Variants in STX2 observed in about 807,000 individuals in gnomAD.
The protein encoded by STX2 is syntaxin 2.
STX2 carries 27 observed loss-of-function variants against 40.6 expected under a neutral mutation model. The observed-to-expected ratio is 0.66, with a 90% confidence interval of 0.49 to 0.92. STX2 has a LOEUF of 0.92. Ranked by LOEUF, STX2 falls within the 40% of genes least tolerant of loss-of-function variation. The pLI, the probability that STX2 is intolerant of heterozygous loss-of-function variation, is 0.00. For missense variants in STX2, 328 were observed against 366.1 expected, an observed-to-expected ratio of 0.90 and a Z score of 0.85; for synonymous variants, 123 against 119.1, an observed-to-expected ratio of 1.03 and a Z score of -0.22.
intron 3 of STX2, among the ~76,000 whole-genome samples, chr12:130,820,432 C>T (rs1952068166): frequency 1.3e-5 from 2 of 151,994 alleles, no homozygotes; most frequent in Admixed American, 6.6e-5. Flanking sequence ...TTTGGGAGGC[C>T]GAGGCAGGTG....
At chr12:130,798,759 T>G (rs1216765554) in intron 8 of STX2, 124 bp from the exon 9 acceptor site, 2 of 575,148 alleles carry the variant, frequency 3.5e-6, no homozygotes, top group Non-Finnish European at 5.6e-6. Context: ...ACTGAGGGTT[T>G]TTTTCACATT....
Position 130,789,803 on chromosome 12 carries a change from G to A in STX2, c.*2220C>T, listed in dbSNP as rs1460132079. On this transcript the variant is annotated 3_prime_UTR_variant, in exon 11 of 11. Coordinates refer to ENST00000392373, the MANE Select transcript of STX2 (RefSeq NM_194356.4). ...TAAGTCTGACTTCAAATCGGTACAT[G>A]AGGCTTAGACATACACATCATTGGA... 1 of 152,622 alleles carries A rather than the reference G, an allele frequency of 6.6e-6. No individual in the cohort carries two copies. Among genetic ancestry groups the A allele is most frequent in the Non-Finnish European group, 1.5e-5 (1 of 68,040 alleles). 9.5% of individuals were successfully genotyped at this position (152,622 alleles called of 1,614,324 possible).
At chr12:130,827,055 AAGAAAGGAAGGGAGGGAGGG>A in intron 2 of STX2, 118 bp downstream of exon 2, 1 of 560,790 alleles carries the variant, frequency 1.8e-6, no homozygotes, top group South Asian at 2.1e-5. Context: ...AGAAGGGAGG[AAGAAAGGAAGGGAGGGAGGG>A]AGGGGTGGGG....
intron 1 of STX2, among the ~76,000 whole-genome samples, chr12:130,835,109 C>T (rs927175577): frequency 3.9e-5 from 6 of 152,164 alleles, no homozygotes; most frequent in African/African-American, 4.8e-5. Flanking sequence ...GGCAACACAG[C>T]GCAACCCCAT....
In STX2 at chr12:130,808,961, G is replaced by A. The variant is rs1480576479; in HGVS notation, c.281-257C>T. Among the ~76,000 whole-genome samples the A allele has an allele frequency of 2.6e-5, 4 of 152,316 alleles. No homozygotes were observed. In the East Asian group the frequency reaches 7.7e-4, roughly 29 times the overall value. On this transcript the variant is annotated intron_variant, in intron 4 of 10. Coordinates refer to ENST00000392373, the MANE Select transcript of STX2 (RefSeq NM_194356.4). ...GTCTCACTGCAACCTCTGCCTCCCA[G>A]GCTCAAGCAGTCCTCCCACCGCAGC...
chr12:130,796,355 G>A (rs1185336445), intron 9 of STX2, among the ~76,000 whole-genome samples: 3 of 152,066 alleles, frequency 2.0e-5, no homozygotes, highest in Non-Finnish European at 4.4e-5. Context: ...CCAGCCGGGC[G>A]TGGGTCTGCA....
At chr12:130,795,901 G>A in intron 10 of STX2, 94 bp downstream of exon 10, 3 of 1,429,552 alleles carry the variant, frequency 2.1e-6, no homozygotes, top group African/African-American at 1.4e-5. Context: ...TGGCTGGCAA[G>A]CTTTTATTAG....
intron 2 of STX2, among the ~76,000 whole-genome samples, chr12:130,824,869 G>A (rs1224994730): frequency 6.6e-6 from 1 of 152,066 alleles, no homozygotes; most frequent in African/African-American, 2.4e-5. Flanking sequence ...ATGAAAGCTT[G>A]AGCTTAAGTT....
intron 5 of STX2, among the ~76,000 whole-genome samples, chr12:130,807,998 C>A (rs1593139849): frequency 6.6e-6 from 1 of 152,208 alleles, no homozygotes; most frequent in Admixed American, 6.5e-5. Flanking sequence ...ATATCCCCCC[C>A]ACCAAAAACT....
rs942830296 is a variant in STX2, at chr12:130,818,660, GAGACGATGGAGACGGTGC to G, written c.205+3011_205+3028del. ...ACGGGAGCAGGCGGCGCTGGAGATG[GAGACGATGGAGACGGTGC>G]AGACGGTGCAGACGCTGCCCCAGCG... On this transcript the variant is annotated intron_variant, in intron 3 of 10. Transcript: ENST00000392373. Among the ~76,000 whole-genome samples, 39 of 35,316 alleles carry G rather than the reference GAGACGATGGAGACGGTGC, an allele frequency of 1.1e-3. No homozygotes were observed. In the East Asian group the frequency reaches 0.075, roughly 68 times the overall value. 23.2% of individuals were successfully genotyped at this position (35,316 alleles called of 152,430 possible).
At chr12:130,823,560 G>C (rs1413342402) in intron 2 of STX2, among the ~76,000 whole-genome samples, 1 of 152,174 alleles carries the variant, frequency 6.6e-6, no homozygotes, top group Admixed American at 6.5e-5. Context: ...TGTGAAAACA[G>C]CAGCTGGAGT....
intron 1 of STX2, among the ~76,000 whole-genome samples, chr12:130,831,652 T>C (rs886517235): frequency 6.6e-6 from 1 of 152,110 alleles, no homozygotes; most frequent in African/African-American, 2.4e-5. Flanking sequence ...TAAATAAATA[T>C]GTAAATGCTG....
chr12:130,827,642 A>C (rs1952374536), intron 1 of STX2, among the ~76,000 whole-genome samples: 1 of 152,242 alleles, frequency 6.6e-6, no homozygotes, highest in South Asian at 2.1e-4. Context: ...GGCCAGCCGC[A>C]GTGGCTCACG....
Position 130,796,075 on chromosome 12 carries a change from T to C in STX2, c.832A>G (p.Ile278Val), listed in dbSNP as rs777521737. 6.2e-6 allele frequency: 10 copies of C among 1,614,202 alleles called. No individual in the cohort carries two copies. Among genetic ancestry groups the C allele is most frequent in the South Asian group, 2.2e-5 (2 of 91,080 alleles). The change falls in exon 10 of 11, where the codon ATC (isoleucine) becomes GTC (valine). Residue 278 changes from isoleucine to valine, a missense_variant. Transcript: ENST00000392373. ...IAVSVVLVAI[I>V]ALIIGLSVGK Reference sequence around the variant, plus strand: ...ACTGACAAGCCAATAATTAGAGCGATTATGGCAACCAGAACCACTGACACA... The same window carrying C: ...ACTGACAAGCCAATAATTAGAGCGACTATGGCAACCAGAACCACTGACACA...
At chr12:130,832,022 AT>A (rs541706214) in intron 1 of STX2, among the ~76,000 whole-genome samples, 1 of 151,696 alleles carries the variant, frequency 6.6e-6, no homozygotes, top group Non-Finnish European at 1.5e-5. Flanking sequence ...AGGCACACAT[AT>A]TTTTTTAGAG....
At chr12:130,811,306 C>T (rs1429776563) in intron 4 of STX2, among the ~76,000 whole-genome samples, 4 of 139,824 alleles carry the variant, frequency 2.9e-5, no homozygotes, top group Admixed American at 7.9e-5. Flanking sequence ...TGCAGTGAGC[C>T]GAGATTGTGC....
chr12:130,798,457 T>A, intron 9 of STX2, 68 bp downstream of exon 9: 1 of 1,076,744 alleles, frequency 9.3e-7, no homozygotes, highest in Non-Finnish European at 1.3e-6. Context: ...CAGGCTTACA[T>A]CAATGTATTA....
chr12:130,825,086 G>GTC (rs1952253629), intron 2 of STX2, among the ~76,000 whole-genome samples: 1 of 151,276 alleles, frequency 6.6e-6, no homozygotes, highest in Non-Finnish European at 1.5e-5. Context: ...CCCCAAGCCG[G>GTC]GGTGCAGTGG....
rs774388048 is a variant in STX2 at position 130,807,587 on chromosome 12, C to T, written c.355-497G>A. Among the ~76,000 whole-genome samples, 5 of 152,148 alleles carry T rather than the reference C, an allele frequency of 3.3e-5. No homozygotes were observed. In the South Asian group the frequency reaches 6.2e-4, roughly 19 times the overall value. On this transcript the variant is annotated intron_variant, in intron 5 of 10. Transcript: ENST00000392373. ...CCAGGCAGGCGGACCCCAGAGCCCG[C>T]GTGCTTCATCGCCTCGTGCCCTCGA...
Sources: gnomAD v4.1 joint callset for allele counts (sites outside exome capture counted in the v4.1 genomes callset) on GRCh38, gnomAD v4.1.1 for gene constraint, MANE v1.5 for transcripts, NCBI Gene and HGNC (gene_info 2026-07-23, HGNC 2026-07-21) for gene names.